BMPR1B: variants seen among roughly 807,000 people sequenced by gnomAD.
The protein encoded by BMPR1B is bone morphogenetic protein receptor type 1B.
Under a neutral mutation model 59.1 loss-of-function variants are expected in BMPR1B, and 12 were observed. That is an observed-to-expected ratio of 0.20 (90% CI 0.13 to 0.33). The LOEUF is 0.33. Among genes scored for constraint, BMPR1B ranks in the 10% least tolerant of loss-of-function variants. The pLI is 1.00. For missense variants in BMPR1B, 550 were observed against 610.9 expected (o/e 0.90, Z 1.05); for synonymous variants, 237 against 207.3 (o/e 1.14, Z -1.23).
chr4:95,054,839 A>G (rs1726797341), intron 3 of BMPR1B, among the ~76,000 whole-genome samples: 2 of 152,188 alleles, frequency 1.3e-5, no homozygotes, highest in Non-Finnish European at 2.9e-5. Context: ...CAATGGTGGC[A>G]ACAATGTACC....
At chr4:94,761,598 A>G (rs1376569557) in intron 1 of BMPR1B, among the ~76,000 whole-genome samples, 2 of 152,120 alleles carry the variant, frequency 1.3e-5, no homozygotes, top group Non-Finnish European at 2.9e-5. Flanking sequence ...ACTTCCTGGT[A>G]AGCTTTTGTT....
At chr4:94,930,800 C>T (rs1048805825) in intron 2 of BMPR1B, among the ~76,000 whole-genome samples, 43 of 152,144 alleles carry the variant, frequency 2.8e-4, no homozygotes, top group African/African-American at 1.0e-3. Context: ...GAAGATATAT[C>T]ATAGAAATAT....
At chr4:94,950,231 T>C (rs1229594619) in intron 2 of BMPR1B, among the ~76,000 whole-genome samples, 3 of 152,210 alleles carry the variant, frequency 2.0e-5, no homozygotes, top group East Asian at 3.8e-4. Context: ...TCCCATTCTG[T>C]AGGTTGCCTG....
intron 3 of BMPR1B, among the ~76,000 whole-genome samples, chr4:95,029,718 T>G (rs996331072): frequency 2.0e-5 from 3 of 152,286 alleles, no homozygotes; most frequent in East Asian, 1.9e-4. Context: ...GGAACTAGTT[T>G]ACAGTCCCAC....
chr4:95,043,536 A>G lies in BMPR1B; in HGVS notation c.-18+47402A>G, dbSNP rs545115775. Among the ~76,000 whole-genome samples, 93 of 152,334 alleles carry G rather than the reference A, an allele frequency of 6.1e-4. 3 individuals carry two copies. Among genetic ancestry groups the G allele is most frequent in the African/African-American group, 2.2e-3 (90 of 41,588 alleles). On this transcript the variant is annotated intron_variant, in intron 3 of 12. Coordinates refer to ENST00000515059, the MANE Select transcript of BMPR1B (RefSeq NM_001203.3). Reference sequence around the variant, plus strand: ...TTCTTATTTTGTGCACAGGCCATGCATATAATTATTATATTCATAACATGA... The same window carrying G: ...TTCTTATTTTGTGCACAGGCCATGCGTATAATTATTATATTCATAACATGA...
chr4:94,770,739 C>T (rs1051895436), intron 1 of BMPR1B, among the ~76,000 whole-genome samples: 6 of 151,698 alleles, frequency 4.0e-5, no homozygotes, highest in Admixed American at 6.6e-5. Context: ...AAAAATTCAT[C>T]GAATCCTATG....
intron 2 of BMPR1B, among the ~76,000 whole-genome samples, chr4:94,981,238 C>T (rs901730394): frequency 2.7e-5 from 4 of 149,448 alleles, no homozygotes; most frequent in Non-Finnish European, 5.9e-5. Context: ...AGGGTATGCT[C>T]TATTGCCCAG....
intron 1 of BMPR1B, among the ~76,000 whole-genome samples, chr4:94,869,538 A>G (rs371819186): frequency 4.8e-4 from 73 of 152,196 alleles, no homozygotes; most frequent in African/African-American, 1.6e-3. Flanking sequence ...TCAGCTTTGC[A>G]TATGGGCTAT....
At chr4:95,001,408 A>C (rs1441781132) in intron 3 of BMPR1B, among the ~76,000 whole-genome samples, 2 of 151,948 alleles carry the variant, frequency 1.3e-5, no homozygotes, top group African/African-American at 4.8e-5. Flanking sequence ...CTCCCACTTC[A>C]AGTAATTTTT....
chr4:95,127,958 C>G (rs1733025278), intron 8 of BMPR1B, among the ~76,000 whole-genome samples: 1 of 151,628 alleles, frequency 6.6e-6, no homozygotes, highest in Non-Finnish European at 1.5e-5. Context: ...GATCTTGTCT[C>G]ATTACAGCCT....
At chr4:94,899,669 T>A (rs903966085) in intron 2 of BMPR1B, among the ~76,000 whole-genome samples, 1 of 151,954 alleles carries the variant, frequency 6.6e-6, no homozygotes, top group African/African-American at 2.4e-5. Flanking sequence ...CGTTGATGTT[T>A]TATAACTGGT....
intron 3 of BMPR1B, among the ~76,000 whole-genome samples, chr4:95,017,759 T>G (rs1372257834): frequency 6.6e-6 from 1 of 152,218 alleles, no homozygotes; most frequent in Non-Finnish European, 1.5e-5. Flanking sequence ...CTGGGAAATT[T>G]GGGTCTTGAA....
chr4:95,113,110 A>T (rs1169096802), intron 4 of BMPR1B, among the ~76,000 whole-genome samples: 2 of 152,168 alleles, frequency 1.3e-5, no homozygotes, highest in African/African-American at 4.8e-5. Context: ...TGTTTAAAGT[A>T]AATTTCTAAG....
chr4:94,968,686 G>C (rs1730653972), intron 2 of BMPR1B, among the ~76,000 whole-genome samples: 1 of 152,128 alleles, frequency 6.6e-6, no homozygotes, highest in African/African-American at 2.4e-5. Context: ...ATAGCTCCAG[G>C]CTCTATTCTC....
chr4:94,836,917 T>A (rs963646446), intron 1 of BMPR1B, among the ~76,000 whole-genome samples: 7 of 149,802 alleles, frequency 4.7e-5, no homozygotes, highest in Admixed American at 4.0e-4. Context: ...CTTTAATCCA[T>A]CTTGAATTGA....
Position 95,046,850 on chromosome 4 carries a change from T to G in BMPR1B, c.-18+50716T>G, listed in dbSNP as rs181057104. Among the ~76,000 whole-genome samples the G allele has an allele frequency of 8.3e-4, 126 of 152,306 alleles. 1 individual carries two copies. In the Middle Eastern group the frequency reaches 0.01, roughly 12 times the overall value. Reference sequence around the variant, plus strand: ...AGAAGAACGCCTCAGACATAAACCATTGTTATTCTCCTTTCTGATATTTCT... The same window carrying G: ...AGAAGAACGCCTCAGACATAAACCAGTGTTATTCTCCTTTCTGATATTTCT... On this transcript the variant is annotated intron_variant, in intron 3 of 12. Coordinates refer to ENST00000515059, the MANE Select transcript of BMPR1B (RefSeq NM_001203.3).
At chr4:95,080,879 C>G (rs1454393243) in intron 3 of BMPR1B, among the ~76,000 whole-genome samples, 5 of 152,062 alleles carry the variant, frequency 3.3e-5, no homozygotes, top group African/African-American at 1.2e-4. Flanking sequence ...TTCTGTGTGA[C>G]AAAATGTAAA....
intron 3 of BMPR1B, among the ~76,000 whole-genome samples, chr4:95,021,951 G>A (rs2149138136): frequency 6.6e-6 from 1 of 152,264 alleles, no homozygotes. Flanking sequence ...TTACATATGT[G>A]TTACCTCAAA....
chr4:94,806,802 T>G (rs1723620800), intron 1 of BMPR1B, among the ~76,000 whole-genome samples: 1 of 152,190 alleles, frequency 6.6e-6, no homozygotes, highest in Admixed American at 6.5e-5. Context: ...ATACTTATTT[T>G]AAATAATTAT....
Sources: gnomAD v4.1 joint callset for allele counts (sites outside exome capture counted in the v4.1 genomes callset) on GRCh38, gnomAD v4.1.1 for gene constraint, MANE v1.5 for transcripts, NCBI Gene and HGNC (gene_info 2026-07-23, HGNC 2026-07-21) for gene names.